PCDH15: variants seen among roughly 807,000 people sequenced by gnomAD.
PCDH15 encodes protocadherin-15.
A neutral mutation model predicts 178.5 loss-of-function variants in PCDH15; 129 were observed. The observed-to-expected ratio is 0.72, with a 90% CI of 0.63 to 0.84. The LOEUF (loss-of-function observed/expected upper bound fraction) is 0.84. Ranked by LOEUF, PCDH15 falls within the 40% of genes least tolerant of loss-of-function variation. PCDH15 has a pLI of 0.00. For synonymous variants in PCDH15, 800 were observed against 732.0 expected (o/e 1.09, Z -1.50); for missense variants, 2,230 against 2,099.9 (o/e 1.06, Z -1.21).
At chr10:55,229,445 A>T (rs1014997608) in intron 1 of PCDH15, among the ~76,000 whole-genome samples, 5 of 152,056 alleles carry the variant, frequency 3.3e-5, no homozygotes, top group East Asian at 1.9e-4. Context: ...AAGTAAATAC[A>T]CTAAAAGAAA....
intron 23 of PCDH15, among the ~76,000 whole-genome samples, chr10:53,949,759 A>C (rs901824788): frequency 6.6e-6 from 1 of 152,296 alleles, no homozygotes; most frequent in Non-Finnish European, 1.5e-5. Flanking sequence ...ATGTTCCTCA[A>C]CATAAGGTAA....
At position 55,445,729 on chromosome 10, in the gene PCDH15, G is replaced by T. The variant is rs368586424; in HGVS notation, c.-156+181896C>A. Among the ~76,000 whole-genome samples the T allele has an allele frequency of 2.4e-4, 37 of 152,208 alleles. 1 individual carries two copies. Among genetic ancestry groups the T allele is most frequent in the African/African-American group, 8.2e-4 (34 of 41,546 alleles). ...TAAAAACACCAAAAAAAATCCAAGA[G>T]CTTCACAAATGTAAGCATCAGATGT... On this transcript the variant is annotated intron_variant, in intron 2 of 5. Transcript: ENST00000613346.
intron 26 of PCDH15, among the ~76,000 whole-genome samples, chr10:53,870,817 C>A (rs954984104): frequency 1.3e-5 from 2 of 152,166 alleles, no homozygotes; most frequent in Admixed American, 6.5e-5. Context: ...TAACAGGATA[C>A]GATATCTTTA....
At chr10:55,042,743 T>C (rs550227204) in intron 2 of PCDH15, among the ~76,000 whole-genome samples, 2 of 152,262 alleles carry the variant, frequency 1.3e-5, no homozygotes, top group African/African-American at 4.8e-5. Flanking sequence ...GAAAATGTAG[T>C]GCTGGATCAA....
chr10:54,910,775 A>C (rs1954802472), intron 2 of PCDH15, among the ~76,000 whole-genome samples: 1 of 152,200 alleles, frequency 6.6e-6, no homozygotes, highest in Non-Finnish European at 1.5e-5. Context: ...ACTATTAACT[A>C]TTTGTTGAAT....
intron 17 of PCDH15, 43 bp downstream of exon 17, chr10:54,079,288 C>T (rs1159932770): frequency 1.3e-6 from 2 of 1,557,048 alleles, no homozygotes; most frequent in South Asian, 1.1e-5. Context: ...TCTCAGTTGC[C>T]TTAATACTAT....
At chr10:54,440,939 CT>C (rs1267701649) in intron 3 of PCDH15, among the ~76,000 whole-genome samples, 1 of 151,932 alleles carries the variant, frequency 6.6e-6, no homozygotes, top group East Asian at 1.9e-4. Flanking sequence ...TTATTTTAAC[CT>C]TTGATGACTA....
At chr10:55,092,932 G>T (rs1591897379) in intron 2 of PCDH15, among the ~76,000 whole-genome samples, 1 of 151,976 alleles carries the variant, frequency 6.6e-6, no homozygotes, top group Non-Finnish European at 1.5e-5. Flanking sequence ...ACATATATCT[G>T]AACATGGATT....
chr10:55,172,956 T>C (rs1323002858), intron 1 of PCDH15, among the ~76,000 whole-genome samples: 2 of 151,914 alleles, frequency 1.3e-5, no homozygotes, highest in African/African-American at 4.8e-5. Flanking sequence ...ACAAAAAAGG[T>C]TTGTTTTATG....
At chr10:55,360,940 G>A (rs116817958) in intron 2 of PCDH15, among the ~76,000 whole-genome samples, 1 of 151,874 alleles carries the variant, frequency 6.6e-6, no homozygotes. Flanking sequence ...ACCCAAATAC[G>A]TATTCAGAAT....
upstream of PCDH15, among the ~76,000 whole-genome samples, chr10:54,804,876 T>C (rs1436611644): frequency 7.0e-6 from 1 of 143,012 alleles, no homozygotes; most frequent in Non-Finnish European, 1.5e-5. Context: ...ATACAAACTT[T>C]CTTTTTCTGT....
intron 18 of PCDH15, among the ~76,000 whole-genome samples, chr10:54,062,294 C>G (rs909619978): frequency 4.3e-4 from 59 of 136,924 alleles, no homozygotes; most frequent in African/African-American, 1.6e-3. Context: ...CATTTTAATT[C>G]AAATATTGGA....
intron 15 of PCDH15, among the ~76,000 whole-genome samples, chr10:54,092,525 G>A (rs1023715640): frequency 6.6e-6 from 1 of 151,526 alleles, no homozygotes; most frequent in African/African-American, 2.4e-5. Flanking sequence ...AATTAGCCAG[G>A]GTAAAATATT....
At chr10:55,047,618 G>A (rs1005328851) in intron 2 of PCDH15, among the ~76,000 whole-genome samples, 2 of 151,814 alleles carry the variant, frequency 1.3e-5, no homozygotes, top group African/African-American at 4.8e-5. Flanking sequence ...TTGGAGAGAT[G>A]CAAGGGTACT....
chr10:54,102,575 C>T (rs1158816281), intron 15 of PCDH15, among the ~76,000 whole-genome samples: 1 of 152,148 alleles, frequency 6.6e-6, no homozygotes, highest in East Asian at 1.9e-4. Context: ...GCTTTCAAGT[C>T]CTTCATAGTG....
chr10:55,172,496 T>A lies in PCDH15; in HGVS notation c.-155-5845A>T, dbSNP rs140305668. On this transcript the variant is annotated intron_variant, in intron 1 of 5. Coordinates refer to the PCDH15 transcript ENST00000458638. ...TTTTGAGAAAGCTTACTATTTTGCA[T>A]AACAAGATGTGCAATGAATGGCCAC... is the stretch of plus-strand genomic sequence containing the variant. Among the ~76,000 whole-genome samples the A allele has an allele frequency of 3.1e-3, 475 of 152,060 alleles. 1 individual carries two copies. The highest frequency in any genetic ancestry group is 0.02 in the South Asian group (95 of 4,822).
intron 6 of PCDH15, among the ~76,000 whole-genome samples, chr10:54,334,961 G>GT (rs1940760103): frequency 6.6e-6 from 1 of 152,076 alleles, no homozygotes; most frequent in South Asian, 2.1e-4. Context: ...GTGAGTCTGT[G>GT]TTTTAGTTCC....
At chr10:53,977,190 G>A (rs11003962) in intron 21 of PCDH15, among the ~76,000 whole-genome samples, 34,879 of 151,954 alleles carry the variant, frequency 0.23, 4,339 homozygotes, top group East Asian at 0.5. Context: ...CTCAGTGATC[G>A]GCTTTCTGTG....
At chr10:54,750,670 T>C (rs573352363) in intron 1 of PCDH15, among the ~76,000 whole-genome samples, 1 of 152,228 alleles carries the variant, frequency 6.6e-6, no homozygotes, top group South Asian at 2.1e-4. Flanking sequence ...TTAATGCAAA[T>C]TGCATATACA....
Sources: allele counts gnomAD v4.1 joint callset (sites outside exome capture counted in the v4.1 genomes callset), GRCh38; gene constraint gnomAD v4.1.1; transcripts MANE v1.5; gene names NCBI Gene and HGNC (gene_info 2026-07-23, HGNC 2026-07-21).